Variants in GSE1 observed in about 807,000 individuals in gnomAD.
The protein encoded by GSE1 is genetic suppressor element 1.
A neutral mutation model predicts 112.6 loss-of-function variants in GSE1; 32 were observed. The observed-to-expected ratio is 0.28, with a 90% confidence interval of 0.21 to 0.38. The LOEUF is 0.38. GSE1 is among the 10% of genes least tolerant of loss of function. The pLI is 1.00. For missense variants in GSE1, 2,348 were observed against 1,699.2 expected (o/e 1.38, Z -6.71); for synonymous variants, 1,115 against 735.6 (o/e 1.52, Z -8.35).
At chr16:85,572,375 C>T (rs1239098596) in intron 1 of GSE1, among the ~76,000 whole-genome samples, 5 of 148,774 alleles carry the variant, frequency 3.4e-5, no homozygotes, top group Admixed American at 2.7e-4. Context: ...ACACCACACA[C>T]ACCACATACC....
chr16:85,639,398 C>T (rs944063917), intron 2 of GSE1, among the ~76,000 whole-genome samples: 2 of 152,208 alleles, frequency 1.3e-5, no homozygotes, highest in African/African-American at 4.8e-5. Flanking sequence ...GCATCTGAAA[C>T]CTCAGCCTAG....
At chr16:85,608,632 C>T (rs1308922255), upstream of GSE1, among the ~76,000 whole-genome samples, 1 of 152,176 alleles carries the variant, frequency 6.6e-6, no homozygotes, top group African/African-American at 2.4e-5. Context: ...GAGACTCGTG[C>T]TGGAATGTGT....
At chr16:85,231,433 CAGAT>C (rs1207524829) in intron 1 of GSE1, among the ~76,000 whole-genome samples, 1 of 135,556 alleles carries the variant, frequency 7.4e-6, no homozygotes, top group Non-Finnish European at 1.6e-5. Flanking sequence ...GATGGATGGA[CAGAT>C]GAATGGATGG....
chr16:85,400,285 T>G (rs1190641180), intron 2 of GSE1, among the ~76,000 whole-genome samples: 1 of 140,498 alleles, frequency 7.1e-6, no homozygotes, highest in African/African-American at 2.7e-5. Flanking sequence ...GTGTGTGTAA[T>G]TGTGTGTGTG....
At chr16:85,202,996 C>G (rs2075056100) in intron 1 of GSE1, among the ~76,000 whole-genome samples, 1 of 143,714 alleles carries the variant, frequency 7.0e-6, no homozygotes, top group Non-Finnish European at 1.5e-5. Flanking sequence ...CCCCCCTTCT[C>G]CCCCTCCTCC....
chr16:85,632,102 C>T (rs1332351232), intron 1 of GSE1, among the ~76,000 whole-genome samples: 2 of 152,174 alleles, frequency 1.3e-5, no homozygotes, highest in Admixed American at 6.5e-5. Context: ...ATGTCTGTGC[C>T]GGGTTGAAGC....
chr16:85,500,348 A>G (rs1276923887), intron 2 of GSE1, among the ~76,000 whole-genome samples: 2 of 152,226 alleles, frequency 1.3e-5, no homozygotes, highest in Non-Finnish European at 2.9e-5. Flanking sequence ...TGTTTTCAAT[A>G]GGTTTCAATC....
rs886998257 is a variant in GSE1 at position 85,661,501 on chromosome 16, C to T, written c.1996C>T (p.Pro666Ser). The change falls in exon 9 of 16, where the codon CCC becomes TCC. Residue 666 changes from proline (P) to serine (S), a missense_variant. Coordinates refer to ENST00000253458, the MANE Select transcript of GSE1 (RefSeq NM_014615.5). ...AGAGGGAGGGAGCCTGGAGCACCAG[C>T]CCTTCCTGCCCGGGCCCGGGCCCTT... is the stretch of plus-strand genomic sequence containing the variant. ...PREGGSLEHQ[P>S]FLPGPGPFLA... The T allele has an allele frequency of 1.2e-6, 2 of 1,612,020 alleles. No homozygotes were observed. The highest frequency in any genetic ancestry group is 1.1e-5 in the South Asian group (1 of 91,050).
chr16:85,295,763 C>A (rs371349478), intron 1 of GSE1, among the ~76,000 whole-genome samples: 1,518 of 123,748 alleles, frequency 0.012, 31 homozygotes, highest in African/African-American at 0.045. Context: ...CTGGCTAATT[C>A]GTAACTTTTT....
intron 2 of GSE1, among the ~76,000 whole-genome samples, chr16:85,510,216 A>G (rs960205816): frequency 1.3e-5 from 2 of 152,128 alleles, no homozygotes; most frequent in Non-Finnish European, 2.9e-5. Context: ...GCTTTTCATT[A>G]TACTCTGGGG....
At position 85,656,384 on chromosome 16, in the gene GSE1, A is replaced by AGAGGGAGCGCGG. The variant is rs1402441234; in HGVS notation, c.1032_1033insAGGGAGCGCGGG (p.Arg347_Glu348insGlyArgGluArg). On this transcript the variant is annotated inframe_insertion, in exon 7 of 16. Coordinates refer to ENST00000253458, the MANE Select transcript of GSE1 (RefSeq NM_014615.5). ...GAGCTAAGGCGGGAGAGGGAGCGCG[A>AGAGGGAGCGCGG]GCGCGAGCGCGAGCGTGAGCGTGAG... is the stretch of plus-strand genomic sequence containing the variant. The AGAGGGAGCGCGG allele has an allele frequency of 6.4e-7, 1 of 1,561,006 alleles. No homozygotes were observed. Among genetic ancestry groups the AGAGGGAGCGCGG allele is most frequent in the Non-Finnish European group, 8.7e-7 (1 of 1,148,630 alleles).
intron 2 of GSE1, among the ~76,000 whole-genome samples, chr16:85,432,610 C>T (rs1343194556): frequency 1.3e-5 from 2 of 152,222 alleles, no homozygotes. Flanking sequence ...ATATTTTATG[C>T]CACCTTTGTG....
chr16:85,275,800 C>T (rs1437305886), intron 1 of GSE1, among the ~76,000 whole-genome samples: 3 of 152,182 alleles, frequency 2.0e-5, no homozygotes, highest in Non-Finnish European at 2.9e-5. Flanking sequence ...CAGCAGATGG[C>T]GCCCTCGGCC....
chr16:85,357,343 T>C, intron 1 of GSE1: 1 of 574,532 alleles, frequency 1.7e-6, no homozygotes, highest in South Asian at 2.5e-5. Flanking sequence ...TCTGAGTTCC[T>C]GATCACCAAG....
intron 2 of GSE1, among the ~76,000 whole-genome samples, chr16:85,443,140 T>C (rs150231961): frequency 0.014 from 2,076 of 152,326 alleles, 23 homozygotes; most frequent in Non-Finnish European, 0.02. Flanking sequence ...GCCTAAGGTT[T>C]GAGGTGGAAG....
intron 2 of GSE1, among the ~76,000 whole-genome samples, chr16:85,409,206 AG>A (rs112969066): frequency 5.3e-5 from 2 of 37,668 alleles, no homozygotes; most frequent in Non-Finnish European, 9.8e-5. Flanking sequence ...CGTTACACTC[AG>A]GGCCCCCCGG....
At position 85,631,091 on chromosome 16, in the gene GSE1, C is replaced by T. The variant is rs376040290; in HGVS notation, c.8-2823C>T. 3.9e-5 allele frequency among the ~76,000 whole-genome samples: 6 copies of T among 152,310 alleles called. No individual in the cohort carries two copies. In the South Asian group the frequency reaches 1.0e-3, roughly 26 times the overall value. On this transcript the variant is annotated intron_variant, in intron 1 of 15. Transcript: ENST00000253458. The stretch of plus-strand genomic sequence containing the variant: ...CCTAGCGTCACCCTCCTGAGTGCCT[C>T]GTTGGGACCACGAGGACCTGGTTCA...
chr16:85,399,073 A>C (rs1369786961), intron 2 of GSE1, among the ~76,000 whole-genome samples: 2 of 152,186 alleles, frequency 1.3e-5, no homozygotes, highest in African/African-American at 4.8e-5. Flanking sequence ...TATTACATGC[A>C]CATGTGTATG....
At chr16:85,380,336 G>T (rs1266978798) in intron 2 of GSE1, among the ~76,000 whole-genome samples, 1 of 152,178 alleles carries the variant, frequency 6.6e-6, no homozygotes, top group Admixed American at 6.5e-5. Context: ...AAGTCCAAGA[G>T]GGGAGGAGGT....
Sources: gnomAD v4.1 joint callset for allele counts (sites outside exome capture counted in the v4.1 genomes callset) on GRCh38, gnomAD v4.1.1 for gene constraint, MANE v1.5 for transcripts, NCBI Gene and HGNC (gene_info 2026-07-23, HGNC 2026-07-21) for gene names.